RNF220: variants seen among roughly 807,000 people sequenced by gnomAD.
RNF220 encodes ring finger protein 220.
RNF220 carries 7 observed loss-of-function variants against 67.1 expected under a neutral mutation model. The observed-to-expected ratio is 0.10, with a 90% CI of 0.06 to 0.20. RNF220 has a LOEUF of 0.20. Among genes scored for constraint, RNF220 ranks in the 10% least tolerant of loss-of-function variants. The probability of loss-of-function intolerance (pLI) is 1.00; values close to 1 mark genes in which losing one functional copy is unlikely to be tolerated. For synonymous variants in RNF220, 270 were observed against 283.2 expected, an observed-to-expected ratio of 0.95 and a Z score of 0.47; for missense variants, 565 against 740.3, an observed-to-expected ratio of 0.76 and a Z score of 2.75.
chr1:44,445,422 G>T (rs1651973596), intron 2 of RNF220, among the ~76,000 whole-genome samples: 1 of 152,058 alleles, frequency 6.6e-6, no homozygotes, highest in Admixed American at 6.5e-5. Flanking sequence ...CATTGCCCTT[G>T]AAGTTAAGAG....
intron 2 of RNF220, among the ~76,000 whole-genome samples, chr1:44,597,467 TGCACAC>T (rs1666585852): frequency 2.1e-5 from 1 of 47,576 alleles, no homozygotes; most frequent in Admixed American, 1.8e-4. Context: ...CTCTCTCTCA[TGCACAC>T]ACACACACAC....
intron 2 of RNF220, among the ~76,000 whole-genome samples, chr1:44,452,710 A>T (rs112334195): frequency 0.036 from 5,420 of 152,158 alleles, 343 homozygotes; most frequent in African/African-American, 0.12. Flanking sequence ...ACCTCAAGTG[A>T]TCCACCTGCC....
At chr1:44,594,158 G>A (rs1191037986) in intron 2 of RNF220, among the ~76,000 whole-genome samples, 3 of 152,000 alleles carry the variant, frequency 2.0e-5, no homozygotes, top group African/African-American at 2.4e-5. Flanking sequence ...GCAGGAATCC[G>A]CTTCTGCACT....
At chr1:44,644,891 G>C in intron 9 of RNF220, 97 bp downstream of exon 9, 12 of 1,522,204 alleles carry the variant, frequency 7.9e-6, no homozygotes, top group South Asian at 1.1e-5. Flanking sequence ...ACCACCCCCC[G>C]GGCCAGAGTC....
At chr1:44,636,360 G>A (rs1557467222) in intron 8 of RNF220, 198 bp downstream of exon 8, 1 of 772,194 alleles carries the variant, frequency 1.3e-6, no homozygotes, top group South Asian at 1.5e-5. Context: ...GTATTTGGGT[G>A]GGGAAATGGA....
intron 2 of RNF220, among the ~76,000 whole-genome samples, chr1:44,458,725 A>G (rs942028447): frequency 2.0e-5 from 3 of 152,208 alleles, no homozygotes; most frequent in Admixed American, 1.3e-4. Flanking sequence ...TAATTAAATT[A>G]TGTAAATGTA....
rs1433783134 is a variant in RNF220, at chr1:44,417,605, G to A, written c.625+4883G>A. On this transcript the variant is annotated intron_variant, in intron 2 of 14. Coordinates refer to ENST00000361799, the MANE Select transcript of RNF220 (RefSeq NM_018150.4). The surrounding 1 kb of genome is among the most constrained non-coding windows in gnomAD (Gnocchi z 4.0). ...TGCCTAATCACCATGGTGAGAAAAC[G>A]GACACCGCAGCCGTCCTCCCTCCTC... 1.3e-5 allele frequency among the ~76,000 whole-genome samples: 2 copies of A among 152,194 alleles called. No individual in the cohort carries two copies. The highest frequency in any genetic ancestry group is 1.9e-4 in the East Asian group (1 of 5,172).
At chr1:44,497,885 ATTC>A (rs1009293197) in intron 2 of RNF220, among the ~76,000 whole-genome samples, 2 of 152,208 alleles carry the variant, frequency 1.3e-5, no homozygotes, top group African/African-American at 4.8e-5. Flanking sequence ...GGTAATTATA[ATTC>A]TTCTCATCTG....
intron 2 of RNF220, among the ~76,000 whole-genome samples, chr1:44,451,785 G>A (rs1036851365): frequency 1.3e-5 from 2 of 151,944 alleles, no homozygotes; most frequent in Admixed American, 6.6e-5. Flanking sequence ...CACGCTCAGC[G>A]AATTTTTGTA....
intron 2 of RNF220, among the ~76,000 whole-genome samples, chr1:44,467,608 G>T (rs1027102101): frequency 1.3e-5 from 2 of 152,252 alleles, no homozygotes; most frequent in African/African-American, 4.8e-5. Context: ...TGGCTTCAGG[G>T]AATGTTGTGG....
At chr1:44,428,060 T>C (rs1557915395) in intron 2 of RNF220, among the ~76,000 whole-genome samples, 1 of 152,208 alleles carries the variant, frequency 6.6e-6, no homozygotes, top group East Asian at 1.9e-4. Flanking sequence ...AATGTTGTTT[T>C]TCCTTCTTGG....
chr1:44,412,741 G>GCCCT lies in RNF220; in HGVS notation c.625+24_625+27dup, dbSNP rs1305655604. ...GACAGATGTAAGTACTTTGGTTCCA[G>GCCCT]CCCTCCCTTACCCCCAGTAAGCCCT... On this transcript the variant is annotated intron_variant, in intron 2 of 14. Coordinates refer to ENST00000361799, the MANE Select transcript of RNF220 (RefSeq NM_018150.4). The surrounding 1 kb of genome is among the most constrained non-coding windows in gnomAD (Gnocchi z 5.3). 2 of 1,604,908 alleles carry GCCCT rather than the reference G, an allele frequency of 1.2e-6. No homozygotes were observed. The highest frequency in any genetic ancestry group is 1.7e-5 in the Admixed American group (1 of 59,540).
intron 2 of RNF220, among the ~76,000 whole-genome samples, chr1:44,538,137 G>A (rs1661378646): frequency 6.6e-6 from 1 of 152,164 alleles, no homozygotes; most frequent in Admixed American, 6.5e-5. Context: ...ATGCCTTCAA[G>A]TTGTTGATAA....
At chr1:44,509,744 G>A (rs886943352) in intron 2 of RNF220, among the ~76,000 whole-genome samples, 24 of 150,776 alleles carry the variant, frequency 1.6e-4, no homozygotes, top group South Asian at 1.5e-3. Flanking sequence ...AAAATTAGCC[G>A]GGTGTGGTGG....
intron 12 of RNF220, chr1:44,648,952 T>G (rs917414123): frequency 3.9e-5 from 6 of 153,636 alleles, no homozygotes; most frequent in Non-Finnish European, 5.8e-5. Flanking sequence ...TGGAAAAGGC[T>G]TCTGGGAGGG....
At position 44,578,427 on chromosome 1, in the gene RNF220, C is replaced by T. The variant is rs992875211; in HGVS notation, c.626-35738C>T. ...CTGGGATTACAGGCATGAGCTACCG[C>T]GCCTGGCCAGTGGGATAAGTATTTC... On this transcript the variant is annotated intron_variant, in intron 2 of 14. Coordinates refer to ENST00000361799, the MANE Select transcript of RNF220 (RefSeq NM_018150.4). Among the ~76,000 whole-genome samples the T allele has an allele frequency of 2.6e-5, 4 of 152,242 alleles. 1 individual carries two copies. The South Asian group carries it at 8.3e-4, about 32-fold the overall frequency.
chr1:44,632,400 G>GCCCCAGCCCCCCCCCCCCCCC lies in RNF220; in HGVS notation c.949+19_949+20insAGCCCCCCCCCCCCCCCCCCC. 1 of 1,607,452 alleles carries GCCCCAGCCCCCCCCCCCCCCC rather than the reference G, an allele frequency of 6.2e-7. No homozygotes were observed. The highest frequency in any genetic ancestry group is 8.5e-7 in the Non-Finnish European group (1 of 1,177,492). ...CCGACTGAATGGTGAGTCCTGCCCG[G>GCCCCAGCCCCCCCCCCCCCCC]CCCCTCCCTCCGCCCCACCCCCGGC... On this transcript the variant is annotated intron_variant, in intron 6 of 14. Transcript: ENST00000361799.
intron 2 of RNF220, among the ~76,000 whole-genome samples, chr1:44,486,090 T>C (rs1274893255): frequency 6.6e-6 from 1 of 152,226 alleles, no homozygotes; most frequent in East Asian, 1.9e-4. Context: ...CTCCCTATTA[T>C]TCAGCAACTC....
intron 8 of RNF220, among the ~76,000 whole-genome samples, chr1:44,642,397 A>G (rs1310151568): frequency 1.3e-5 from 2 of 152,236 alleles, no homozygotes. Flanking sequence ...GCAGGGATTT[A>G]GAGAGCAGCT....
Sources: allele counts gnomAD v4.1 joint callset (sites outside exome capture counted in the v4.1 genomes callset), GRCh38; gene constraint gnomAD v4.1.1; non-coding constraint Gnocchi (gnomAD v3.1); transcripts MANE v1.5; gene names NCBI Gene and HGNC (gene_info 2026-07-23, HGNC 2026-07-21).